The following RAP1GDS1 variants were observed in gnomAD, a reference collection of about 807,000 sequenced individuals.
The protein encoded by RAP1GDS1 is Rap1 GTPase-GDP dissociation stimulator 1, also known as RAP1, GTP-GDP dissociation stimulator 1.
A neutral mutation model predicts 71.1 loss-of-function variants in RAP1GDS1; 35 were observed. The observed-to-expected ratio is 0.49, with a 90% CI of 0.38 to 0.65. RAP1GDS1 has a LOEUF of 0.65. Ranked by LOEUF, RAP1GDS1 falls within the 30% of genes least tolerant of loss-of-function variation. The probability of loss-of-function intolerance (pLI) is 0.00; values close to 1 mark genes in which losing one functional copy is unlikely to be tolerated. For synonymous variants in RAP1GDS1, 229 were observed against 243.1 expected, an observed-to-expected ratio of 0.94 and a Z score of 0.54; for missense variants, 663 against 706.1, an observed-to-expected ratio of 0.94 and a Z score of 0.69.
intron 1 of RAP1GDS1, among the ~76,000 whole-genome samples, chr4:98,283,006 C>G (rs1265555007): frequency 6.6e-6 from 1 of 151,832 alleles, no homozygotes; most frequent in Non-Finnish European, 1.5e-5. Context: ...GATTTTTGTT[C>G]TAGGAATTGA....
intron 13 of RAP1GDS1, 95 bp from the exon 14 acceptor site, chr4:98,436,842 TAGA>T: frequency 8.2e-7 from 1 of 1,215,162 alleles, no homozygotes. Flanking sequence ...CAGTTCCATT[TAGA>T]AGGTTTCGTA....
chr4:98,393,048 A>ACAAT (rs1355772683), intron 6 of RAP1GDS1, among the ~76,000 whole-genome samples: 2 of 152,030 alleles, frequency 1.3e-5, no homozygotes, highest in African/African-American at 4.8e-5. Flanking sequence ...TTCACAACCC[A>ACAAT]CAATCATGTT....
intron 2 of RAP1GDS1, among the ~76,000 whole-genome samples, chr4:98,330,287 G>A (rs990909358): frequency 7.2e-5 from 11 of 152,098 alleles, no homozygotes; most frequent in Admixed American, 1.3e-4. Flanking sequence ...TTTTCTATTC[G>A]ACAAAACCGG....
At chr4:98,348,203 A>G (rs1256224873) in intron 3 of RAP1GDS1, among the ~76,000 whole-genome samples, 1 of 151,712 alleles carries the variant, frequency 6.6e-6, no homozygotes, top group Non-Finnish European at 1.5e-5. Context: ...CCTGTGAGTG[A>G]GAACATGTGG....
At chr4:98,339,073 T>G (rs1735124879) in intron 2 of RAP1GDS1, among the ~76,000 whole-genome samples, 3 of 152,242 alleles carry the variant, frequency 2.0e-5, no homozygotes, top group South Asian at 4.1e-4. Context: ...TGCTTTAAAC[T>G]CTGCTCATAT....
At chr4:98,407,228 T>C (rs1295612504) in intron 7 of RAP1GDS1, among the ~76,000 whole-genome samples, 1 of 152,162 alleles carries the variant, frequency 6.6e-6, no homozygotes, top group Non-Finnish European at 1.5e-5. Context: ...ATTGTACTTA[T>C]TTGAATCTTC....
chr4:98,440,553 T>A (rs1751731399), intron 14 of RAP1GDS1, among the ~76,000 whole-genome samples: 1 of 152,206 alleles, frequency 6.6e-6, no homozygotes, highest in Admixed American at 6.5e-5. Context: ...GAGTGTGAGG[T>A]GGCATCTTAC....
intron 12 of RAP1GDS1, among the ~76,000 whole-genome samples, chr4:98,421,708 A>G (rs1321344059): frequency 1.3e-5 from 2 of 152,114 alleles, no homozygotes; most frequent in African/African-American, 4.8e-5. Flanking sequence ...TGGTACCTAG[A>G]TAGTATATGA....
intron 12 of RAP1GDS1, among the ~76,000 whole-genome samples, chr4:98,427,238 T>C (rs1225034304): frequency 6.6e-6 from 1 of 152,192 alleles, no homozygotes; most frequent in Non-Finnish European, 1.5e-5. Flanking sequence ...AAGCCGTCTA[T>C]GAGAAACTCA....
intron 2 of RAP1GDS1, among the ~76,000 whole-genome samples, chr4:98,303,783 T>C (rs1489649046): frequency 1.3e-5 from 2 of 152,070 alleles, no homozygotes; most frequent in African/African-American, 4.8e-5. Context: ...GGTAGTTTGC[T>C]GCACCTATCA....
At chr4:98,377,271 G>A (rs1741303483) in intron 4 of RAP1GDS1, among the ~76,000 whole-genome samples, 1 of 151,834 alleles carries the variant, frequency 6.6e-6, no homozygotes, top group Non-Finnish European at 1.5e-5. Flanking sequence ...TATTATTGAA[G>A]GTCTGAACAT....
At chr4:98,349,044 T>A (rs1242799870) in intron 3 of RAP1GDS1, among the ~76,000 whole-genome samples, 1 of 152,176 alleles carries the variant, frequency 6.6e-6, no homozygotes, top group Non-Finnish European at 1.5e-5. Context: ...TCCTTGCCCA[T>A]GCCTATGTCC....
At chr4:98,369,850 T>C (rs1213175662) in intron 4 of RAP1GDS1, among the ~76,000 whole-genome samples, 3 of 152,214 alleles carry the variant, frequency 2.0e-5, no homozygotes, top group Non-Finnish European at 4.4e-5. Context: ...ACCTACATTT[T>C]TCCTTAATAG....
At chr4:98,360,692 A>G (rs76450140) in intron 4 of RAP1GDS1, among the ~76,000 whole-genome samples, 1 of 152,152 alleles carries the variant, frequency 6.6e-6, no homozygotes, top group Non-Finnish European at 1.5e-5. Flanking sequence ...AACTTTCTCA[A>G]CTTTTAATCA....
Position 98,343,192 on chromosome 4 carries a change from A to C in RAP1GDS1, c.166A>C (p.Ser56Arg). The C allele has an allele frequency of 6.2e-7, 1 of 1,607,014 alleles. No individual in the cohort carries two copies. The highest frequency in any genetic ancestry group is 1.7e-5 in the Admixed American group (1 of 59,976). ...AAGTGGAATACTTCAGCTGTTTGCA[A>C]GTCTGTTGACTCCACAGTCTTCCTG... ...QASGILQLFA[S>R]LLTPQSSCKA... The change falls in exon 3 of 15, where the codon AGT (serine) becomes CGT (arginine). Residue 56 changes from serine to arginine, a missense_variant. By Grantham distance (110) the Ser-to-Arg change is moderately radical. Transcript: ENST00000408927.
At chr4:98,354,689 G>T (rs1374189370) in intron 4 of RAP1GDS1, among the ~76,000 whole-genome samples, 1 of 151,858 alleles carries the variant, frequency 6.6e-6, no homozygotes, top group Non-Finnish European at 1.5e-5. Context: ...AAAGTTCTAT[G>T]GATATCCTTT....
intron 1 of RAP1GDS1, among the ~76,000 whole-genome samples, chr4:98,286,153 T>C (rs1362813146): frequency 6.6e-6 from 1 of 151,632 alleles, no homozygotes; most frequent in Non-Finnish European, 1.5e-5. Flanking sequence ...TGGCCCCATA[T>C]ATTCAGCTTG....
Position 98,442,130 on chromosome 4 carries a change from A to G in RAP1GDS1, c.*13A>G, listed in dbSNP as rs375752513. The G allele has an allele frequency of 2.5e-6, 4 of 1,610,862 alleles. No individual in the cohort carries two copies. The African/African-American group carries it at 5.3e-5, about 21-fold the overall frequency. ...TGTGGAAAGCTGAGAACTGCCCGAT[A>G]CACGGCATCATCCCATCTCTAATTT... On this transcript the variant is annotated 3_prime_UTR_variant, in exon 15 of 15. Transcript: ENST00000408927.
At chr4:98,414,031 G>C (rs1050036438) in intron 7 of RAP1GDS1, among the ~76,000 whole-genome samples, 247 of 151,458 alleles carry the variant, frequency 1.6e-3, no homozygotes, top group South Asian at 4.4e-3. Context: ...TGAGAAGTGT[G>C]TGTTCATGTC....
Sources: allele counts gnomAD v4.1 joint callset (sites outside exome capture counted in the v4.1 genomes callset), GRCh38; gene constraint gnomAD v4.1.1; transcripts MANE v1.5; gene names NCBI Gene and HGNC (gene_info 2026-07-23, HGNC 2026-07-21).